Variants in GANAB observed in about 807,000 individuals in gnomAD.
The protein encoded by GANAB is glucosidase II alpha subunit.
In GANAB, 35 loss-of-function variants were observed where a neutral mutation model predicts 129.9. The observed-to-expected ratio is 0.27, with a 90% CI of 0.21 to 0.36. The LOEUF is 0.36. Among genes scored for constraint, GANAB ranks in the 10% least tolerant of loss-of-function variants. The pLI is 1.00. For missense variants in GANAB, 939 were observed against 1,221.0 expected (o/e 0.77, Z 3.44); for synonymous variants, 482 against 451.8 (o/e 1.07, Z -0.85).
In GANAB at chr11:62,629,291, G is replaced by T. The variant is rs143163117; in HGVS notation, c.1839C>A (p.Ala613=). Residue 613 remains alanine (A), a synonymous_variant, in exon 16 of 24, where the codon GCC becomes GCA. Coordinates refer to ENST00000356638, the MANE Select transcript of GANAB (RefSeq NM_198334.3). ...CGGCAGTGTTGTCCCCTGTCCACACGGCTCCTGAGGAAGACAAGAAGTGGG... is the reference window on the plus strand; with the variant it reads ...CGGCAGTGTTGTCCCCTGTCCACACTGCTCCTGAGGAAGACAAGAAGTGGG... The part of the protein sequence containing the change: ...AFFAGSQRFG[A]VWTGDNTAEW... 1 of 1,604,586 alleles carries T rather than the reference G, an allele frequency of 6.2e-7. No individual in the cohort carries two copies. Among genetic ancestry groups the T allele is most frequent in the Admixed American group, 1.7e-5 (1 of 59,988 alleles).
At position 62,631,142 on chromosome 11, in the gene GANAB, C is replaced by CCCAGAG. The variant is rs756294223; in HGVS notation, c.1032_1037dup (p.Ser345_Gly346dup). On this transcript the variant is annotated inframe_insertion, in exon 10 of 24. Transcript: ENST00000356638. ...AGCGAACATCTGTCTGTGGGGTCTC[C>CCCAGAG]CCAGAGCCCTGCAGGTAGTCCATCA... is the stretch of plus-strand genomic sequence containing the variant. The CCCAGAG allele has an allele frequency of 5.0e-6, 8 of 1,605,730 alleles. No individual in the cohort carries two copies. Among genetic ancestry groups the CCCAGAG allele is most frequent in the Non-Finnish European group, 6.8e-6 (8 of 1,172,964 alleles).
chr11:62,646,077 G>A (rs986466157), intron 1 of GANAB, among the ~76,000 whole-genome samples: 2 of 152,222 alleles, frequency 1.3e-5, no homozygotes, highest in Non-Finnish European at 2.9e-5. Context: ...TGAAGACAAG[G>A]GCAGAGGAGG....
At chr11:62,644,552 T>C (rs1944396450) in intron 1 of GANAB, among the ~76,000 whole-genome samples, 1 of 151,806 alleles carries the variant, frequency 6.6e-6, no homozygotes. Flanking sequence ...ACGCAAGAGT[T>C]TGAGGCTGCA....
chr11:62,630,906 G>C, intron 10 of GANAB, 70 bp from the exon 11 acceptor site: 1 of 1,496,382 alleles, frequency 6.7e-7, no homozygotes, highest in Non-Finnish European at 9.2e-7. Context: ...AGGGAGGCTT[G>C]TGAACTAGAG....
rs753473634 is a variant in GANAB at position 62,626,376 on chromosome 11, C to A, written c.2583G>T (p.Leu861=). Residue 861 remains leucine (L), a synonymous_variant, in exon 22 of 24, where the codon CTG becomes CTT. Coordinates refer to ENST00000356638, the MANE Select transcript of GANAB (RefSeq NM_198334.3). ...TFNYQTRQEF[L]LRRFSFSGNT... The stretch of plus-strand genomic sequence containing the variant: ...TGCCAGAGAATGAGAATCGACGCAG[C>A]AGGAACTCTTGGCGAGTCTGATAGT... The A allele has an allele frequency of 9.3e-6, 15 of 1,613,348 alleles. No individual in the cohort carries two copies. The highest frequency in any genetic ancestry group is 1.3e-5 in the Non-Finnish European group (15 of 1,179,374).
At chr11:62,639,235 T>C in intron 3 of GANAB, 124 bp downstream of exon 3, 1 of 1,319,628 alleles carries the variant, frequency 7.6e-7, no homozygotes, top group Non-Finnish European at 1.1e-6. Context: ...AAGATCACAT[T>C]TCTTCATAAA....
At chr11:62,627,189 GCC>G in intron 18 of GANAB, 65 bp from the exon 19 acceptor site, 13 of 1,472,626 alleles carry the variant, frequency 8.8e-6, no homozygotes, top group Non-Finnish European at 1.2e-5. Context: ...ACACCAAAGT[GCC>G]TGCCCTCTGC....
chr11:62,630,984 C>T, intron 10 of GANAB, 46 bp downstream of exon 10: 2 of 1,571,496 alleles, frequency 1.3e-6, no homozygotes, highest in Middle Eastern at 1.7e-4. Context: ...CATAGAATCA[C>T]CCGACAAGAA....
Position 62,630,978 on chromosome 11 carries a change from G to A in GANAB, c.1150+52C>T, listed in dbSNP as rs921528936. 4.5e-6 allele frequency: 7 copies of A among 1,564,082 alleles called. No homozygotes were observed. The African/African-American group carries it at 6.8e-5, about 15-fold the overall frequency. On this transcript the variant is annotated intron_variant, in intron 10 of 23. Transcript: ENST00000356638. ...GGCACAGGATCTCTGAAAACACATA[G>A]AATCACCCGACAAGAAAAGAGCAGA...
At position 62,646,588 on chromosome 11, in the gene GANAB, T is replaced by TACCGCCGCC. The variant is rs1473252427; in HGVS notation, c.3_11dup (p.Val7_Ala9dup). ...GCCTCCTACGCGCCGCCACTGCCGC[T>TACCGCCGCC]ACCGCCGCCATCTTGTGCAGAGTTT... On this transcript the variant is annotated inframe_insertion, in exon 1 of 24. Transcript: ENST00000356638. The TACCGCCGCC allele has an allele frequency of 6.2e-7, 1 of 1,613,866 alleles. No individual in the cohort carries two copies. The highest frequency in any genetic ancestry group is 1.7e-5 in the Admixed American group (1 of 60,016).
chr11:62,636,982 CAACA>C (rs1943973916), intron 4 of GANAB, among the ~76,000 whole-genome samples: 1 of 151,586 alleles, frequency 6.6e-6, no homozygotes, highest in Non-Finnish European at 1.5e-5. Context: ...AGACTAAATA[CAACA>C]AACAAAAGGC....
chr11:62,627,302 ATC>A lies in GANAB; in HGVS notation c.2230_2231del (p.Asp744SerfsTer34). On this transcript the variant is annotated frameshift_variant, in exon 18 of 24. Transcript: ENST00000356638. LOFTEE classifies it high-confidence loss of function. ...PQDVTTFNID[D>X]QYLLGDALLV... ...CTCATTTCTCACCAAGCAAGTACTG[ATC>A]ATCTATATTGAAGGTAGTCACATCC... The A allele has an allele frequency of 6.3e-7, 1 of 1,577,318 alleles. No individual in the cohort carries two copies. Among genetic ancestry groups the A allele is most frequent in the Non-Finnish European group, 8.7e-7 (1 of 1,146,414 alleles).
rs921302336 is a variant in GANAB at position 62,637,385 on chromosome 11, C to T, written c.380+1598G>A. Among the ~76,000 whole-genome samples the T allele has an allele frequency of 3.3e-5, 5 of 152,122 alleles. No individual in the cohort carries two copies. In the South Asian group the frequency reaches 1.0e-3, roughly 32 times the overall value. On this transcript the variant is annotated intron_variant, in intron 4 of 23. Transcript: ENST00000356638. ...GATCACGATGTCAGGAGATCGAGAC[C>T]ATCCTGGCTTGCCCAGCTTCAATGA...
Position 62,626,701 on chromosome 11 carries a change from G to A in GANAB, c.2398-17C>T. On this transcript the variant is annotated splice_polypyrimidine_tract_variant and intron_variant, in intron 20 of 23. Coordinates refer to ENST00000356638, the MANE Select transcript of GANAB (RefSeq NM_198334.3). ...CACAGGGATCTAGGGCAAGAGCAAT[G>A]CCAGGATGAAGTTGCCCCCTTGTCC... is the stretch of plus-strand genomic sequence containing the variant. 6.5e-7 allele frequency: 1 copy of A among 1,543,500 alleles called. No individual in the cohort carries two copies. The highest frequency in any genetic ancestry group is 8.9e-7 in the Non-Finnish European group (1 of 1,124,904).
Position 62,626,902 on chromosome 11 carries a change from A to G in GANAB, c.2355T>C (p.His785=), listed in dbSNP as rs1324150947. ...VWYDIQSYQK[H]HGPQTLYLPV... is the part of the protein sequence containing the mutation. The stretch of plus-strand genomic sequence containing the variant: ...GCAGGTACAGGGTCTGGGGACCATG[A>G]TGCTTCTGGTAGCTTTGAATGTCAT... The change falls in exon 20 of 24, where the codon CAT becomes CAC. Residue 785 remains histidine (H), a synonymous_variant. Coordinates refer to ENST00000356638, the MANE Select transcript of GANAB (RefSeq NM_198334.3). 6.2e-7 allele frequency: 1 copy of G among 1,613,188 alleles called. No homozygotes were observed. The highest frequency in any genetic ancestry group is 8.5e-7 in the Non-Finnish European group (1 of 1,179,166).
Position 62,625,801 on chromosome 11 carries a change from G to C in GANAB, c.*14C>G, listed in dbSNP as rs747948615. ...GCTCCCCTTCCCTCCCCCTAACCCAGAACATCCCTTGGGTTATCGCAGGTG... is the reference window on the plus strand; with the variant it reads ...GCTCCCCTTCCCTCCCCCTAACCCACAACATCCCTTGGGTTATCGCAGGTG... On this transcript the variant is annotated 3_prime_UTR_variant, in exon 24 of 24. Transcript: ENST00000356638. 1.3e-5 allele frequency: 19 copies of C among 1,503,416 alleles called. No homozygotes were observed. The highest frequency in any genetic ancestry group is 1.6e-5 in the Non-Finnish European group (17 of 1,079,720). The allele number at this position is 1,503,416 out of a possible 1,614,324, so 93.1% of individuals were successfully genotyped here.
chr11:62,639,296 C>G lies in GANAB; in HGVS notation c.252+63G>C. On this transcript the variant is annotated intron_variant, in intron 3 of 23. Transcript: ENST00000356638. Reference sequence around the variant, plus strand: ...ACAAGATGTTGGCCACAATTTCCCCCTTTCCAAATTACCCCACAGCCATTG... The same window carrying G: ...ACAAGATGTTGGCCACAATTTCCCCGTTTCCAAATTACCCCACAGCCATTG... The G allele has an allele frequency of 8.5e-6, 11 of 1,297,676 alleles. No homozygotes were observed. In the African/African-American group the frequency reaches 8.7e-5, roughly 10 times the overall value. 80.4% of individuals were successfully genotyped at this position (1,297,676 alleles called of 1,614,324 possible).
chr11:62,631,057 C>T lies in GANAB; in HGVS notation c.1123G>A (p.Val375Ile), dbSNP rs1943653938. ...GTGAGACTAGCATATTGCCGGAAAACATCAGAGATGGAGGGCCCCAGCAGC... is the reference window on the plus strand; with the variant it reads ...GTGAGACTAGCATATTGCCGGAAAATATCAGAGATGGAGGGCCCCAGCAGC... ...FLLLGPSISD[V>I]FRQYASLTGT... is the part of the protein sequence containing the mutation. Residue 375 changes from valine (V) to isoleucine (I), a missense_variant, in exon 10 of 24, where the codon GTT (valine) becomes ATT (isoleucine). By Grantham distance (29) the Val-to-Ile change is conservative. Transcript: ENST00000356638. 2.5e-6 allele frequency: 4 copies of T among 1,609,754 alleles called. No individual in the cohort carries two copies. Among genetic ancestry groups the T allele is most frequent in the Non-Finnish European group, 3.4e-6 (4 of 1,176,304 alleles).
Position 62,625,874 on chromosome 11 carries a change from A to C in GANAB, c.2776T>G (p.Leu926Val). Residue 926 changes from leucine to valine, a missense_variant, in exon 24 of 24, where the codon TTG becomes GTG. Leu to Val is a conservative substitution (Grantham distance 32). This residue lies in a region of GANAB where 230 missense variants were observed against 259.9 expected (regional missense o/e 0.89). Transcript: ENST00000356638. ...TTGATGCCAGGCTTGCGCAGGACCA[A>C]CACAGAGGTCTCAGGGTCATGCTGG... ...SFQHDPETSV[L>V]VLRKPGINVA... 1 of 1,613,960 alleles carries C rather than the reference A, an allele frequency of 6.2e-7. No homozygotes were observed. The highest frequency in any genetic ancestry group is 1.1e-5 in the South Asian group (1 of 91,076).
Sources: allele counts gnomAD v4.1 joint callset (sites outside exome capture counted in the v4.1 genomes callset), GRCh38; gene constraint gnomAD v4.1.1; regional missense constraint gnomAD v4.1.1; transcripts MANE v1.5; gene names NCBI Gene and HGNC (gene_info 2026-07-23, HGNC 2026-07-21).